INPP5A: variants seen among roughly 807,000 people sequenced by gnomAD.
INPP5A encodes the protein 43 kDa inositol polyphosphate 5-phophatase.
In INPP5A, 14 loss-of-function variants were observed where a neutral mutation model predicts 65.2. That is an observed-to-expected ratio of 0.21 (90% confidence interval 0.14 to 0.34). The LOEUF is 0.34. Among genes scored for constraint, INPP5A ranks in the 10% least tolerant of loss-of-function variants. INPP5A has a pLI of 1.00. For synonymous variants in INPP5A, 207 were observed against 208.3 expected, an observed-to-expected ratio of 0.99 and a Z score of 0.05; for missense variants, 431 against 545.6, an observed-to-expected ratio of 0.79 and a Z score of 2.09.
rs1326344308 is a variant in INPP5A, at chr10:132,727,127, C to T, written c.732+222C>T. The T allele has an allele frequency of 3.8e-5, 16 of 415,672 alleles. No individual in the cohort carries two copies. Among genetic ancestry groups the T allele is most frequent in the South Asian group, 8.3e-5 (2 of 24,126 alleles). The allele number at this position is 415,672 out of a possible 1,614,324, so 25.7% of individuals were successfully genotyped here. A position where few individuals can be genotyped will look rare whatever the true frequency, so the allele number is the denominator to read the frequency against. On this transcript the variant is annotated intron_variant, in intron 9 of 15. Coordinates refer to ENST00000368594, the MANE Select transcript of INPP5A (RefSeq NM_005539.5). The surrounding 1 kb of genome is among the most constrained non-coding windows in gnomAD (Gnocchi z 6.5). ...GGGCCCTCAAGGTTGCCCCGGATGG[C>T]GGGTGACAGTGCTGTGGGGCTTTGC...
At chr10:132,593,209 T>A (rs2071640812) in intron 1 of INPP5A, among the ~76,000 whole-genome samples, 1 of 152,206 alleles carries the variant, frequency 6.6e-6, no homozygotes. Flanking sequence ...CCTGACACTT[T>A]CACCTTTGCC....
chr10:132,728,824 G>A (rs1035925849), intron 9 of INPP5A, among the ~76,000 whole-genome samples: 3 of 152,174 alleles, frequency 2.0e-5, no homozygotes, highest in Admixed American at 6.5e-5. Context: ...TGGAGCAGCC[G>A]CGGGAGCCTC....
At position 132,753,463 on chromosome 10, in the gene INPP5A, T is replaced by C. The variant is rs1846533964; in HGVS notation, c.903+3618T>C. 6.6e-6 allele frequency among the ~76,000 whole-genome samples: 1 copy of C among 152,238 alleles called. No individual in the cohort carries two copies. Among genetic ancestry groups the C allele is most frequent in the Admixed American group, 6.5e-5 (1 of 15,288 alleles). Reference sequence around the variant, plus strand: ...GCTCCTGAAAATAATTATTGTATTTTAAGAGTAGTAATCATTGGCCGGGAC... The same window carrying C: ...GCTCCTGAAAATAATTATTGTATTTCAAGAGTAGTAATCATTGGCCGGGAC... On this transcript the variant is annotated intron_variant, in intron 11 of 15. Coordinates refer to ENST00000368594, the MANE Select transcript of INPP5A (RefSeq NM_005539.5). This position sits in a 1 kb window ranked among gnomAD's most constrained non-coding sequence, Gnocchi z 5.3.
At chr10:132,749,992 C>CT in intron 11 of INPP5A, 147 bp downstream of exon 11, 1 of 779,378 alleles carries the variant, frequency 1.3e-6, no homozygotes, top group Non-Finnish European at 2.2e-6. Context: ...AGTCAGACTG[C>CT]TGGGGACACA....
At chr10:132,719,935 T>C (rs1027242961) in intron 8 of INPP5A, among the ~76,000 whole-genome samples, 1 of 149,602 alleles carries the variant, frequency 6.7e-6, no homozygotes, top group African/African-American at 2.5e-5. Context: ...CTTAGACGGC[T>C]GTCTTCAGGG....
intron 8 of INPP5A, among the ~76,000 whole-genome samples, chr10:132,722,626 C>T (rs909842258): frequency 2.0e-5 from 3 of 152,164 alleles, no homozygotes; most frequent in Non-Finnish European, 2.9e-5. Flanking sequence ...TCTGCGGTGT[C>T]GTGAGGTCGC....
At position 132,698,284 on chromosome 10, in the gene INPP5A, G is replaced by A. The variant is rs1590933694; in HGVS notation, c.474+365G>A. 6.6e-6 allele frequency among the ~76,000 whole-genome samples: 1 copy of A among 152,366 alleles called. No homozygotes were observed. Among genetic ancestry groups the A allele is most frequent in the East Asian group, 1.9e-4 (1 of 5,188 alleles). The stretch of plus-strand genomic sequence containing the variant: ...GCTGACTGGTGGTAACCAAGACAGT[G>A]GCTGACAGTCCTGTGTGCCCGTGGT... On this transcript the variant is annotated intron_variant, in intron 6 of 15. Coordinates refer to ENST00000368594, the MANE Select transcript of INPP5A (RefSeq NM_005539.5). The surrounding 1 kb of genome is among the most constrained non-coding windows in gnomAD (Gnocchi z 5.5).
intron 7 of INPP5A, 97 bp from the exon 8 acceptor site, chr10:132,710,240 G>C: frequency 1.4e-6 from 2 of 1,453,164 alleles, no homozygotes; most frequent in Admixed American, 2.0e-5. Context: ...GCGGAGGCCA[G>C]TGCAGGTCTT....
intron 2 of INPP5A, among the ~76,000 whole-genome samples, chr10:132,645,002 G>A (rs751682941): frequency 1.3e-5 from 2 of 152,122 alleles, no homozygotes; most frequent in Non-Finnish European, 2.9e-5. Context: ...TACTGCATCC[G>A]CTCTCTGAAT....
Position 132,587,147 on chromosome 10 carries a change from CATTT to C in INPP5A, c.76-20766_76-20763del, listed in dbSNP as rs1379360647. 6.6e-6 allele frequency among the ~76,000 whole-genome samples: 1 copy of C among 152,182 alleles called. No homozygotes were observed. The highest frequency in any genetic ancestry group is 2.4e-5 in the African/African-American group (1 of 41,442). On this transcript the variant is annotated intron_variant, in intron 1 of 15. Coordinates refer to ENST00000368594, the MANE Select transcript of INPP5A (RefSeq NM_005539.5). The surrounding 1 kb of genome is among the most constrained non-coding windows in gnomAD (Gnocchi z 4.3). ...TCAGTTTTAAAAAATAATACAAACA[CATTT>C]AAAAAACAAGAGAGCCAGTGTGAAA...
intron 3 of INPP5A, among the ~76,000 whole-genome samples, chr10:132,649,449 C>T (rs1475542786): frequency 2.0e-5 from 3 of 152,026 alleles, no homozygotes; most frequent in Non-Finnish European, 4.4e-5. Context: ...GCAGACATTG[C>T]GAATGTTACG....
chr10:132,664,332 C>A (rs1005829313), intron 4 of INPP5A, among the ~76,000 whole-genome samples: 1 of 152,186 alleles, frequency 6.6e-6, no homozygotes, highest in Non-Finnish European at 1.5e-5. Flanking sequence ...CTCCAAAGCC[C>A]GTCCAGGTTT....
chr10:132,718,034 C>A (rs1845775632), intron 8 of INPP5A, among the ~76,000 whole-genome samples: 1 of 146,828 alleles, frequency 6.8e-6, no homozygotes, highest in Non-Finnish European at 1.5e-5. Flanking sequence ...TGTCTGGGCG[C>A]CTTAGACGGC....
chr10:132,574,493 T>A (rs1462067313), intron 1 of INPP5A, among the ~76,000 whole-genome samples: 1 of 151,882 alleles, frequency 6.6e-6, no homozygotes, highest in Non-Finnish European at 1.5e-5. Flanking sequence ...TTTGTTGAGA[T>A]GTTGGGGTGT....
rs551566655 is a variant in INPP5A, at chr10:132,631,251, G to A, written c.118-14617G>A. Among the ~76,000 whole-genome samples, 4 of 152,248 alleles carry A rather than the reference G, an allele frequency of 2.6e-5. No homozygotes were observed. In the South Asian group the frequency reaches 6.2e-4, roughly 24 times the overall value. On this transcript the variant is annotated intron_variant, in intron 2 of 15. Transcript: ENST00000368594. Reference sequence around the variant, plus strand: ...TCCGTGTGCCCTGGCCGGTCCCATCGGCTGCGCCTTGAGGAGGCTGTCTGA... The same window carrying A: ...TCCGTGTGCCCTGGCCGGTCCCATCAGCTGCGCCTTGAGGAGGCTGTCTGA...
At chr10:132,564,297 C>T (rs538234913) in intron 1 of INPP5A, among the ~76,000 whole-genome samples, 3 of 152,128 alleles carry the variant, frequency 2.0e-5, no homozygotes, top group East Asian at 1.9e-4. Context: ...GGACCTCTTA[C>T]GGATCTTATG....
intron 2 of INPP5A, among the ~76,000 whole-genome samples, chr10:132,615,351 C>T (rs1310704566): frequency 6.6e-6 from 1 of 152,226 alleles, no homozygotes; most frequent in African/African-American, 2.4e-5. Context: ...AAAAAATGTG[C>T]ACCCTGGAAG....
In INPP5A at chr10:132,580,662, T is replaced by C. The variant is rs550360499; in HGVS notation, c.76-27253T>C. Among the ~76,000 whole-genome samples the C allele has an allele frequency of 2.0e-5, 3 of 152,372 alleles. No individual in the cohort carries two copies. The South Asian group carries it at 6.2e-4, about 32-fold the overall frequency. ...CTTAAAGACACATGTGAGATTGTTT[T>C]ATAAAAATTTTGACTTACAAGGCTG... On this transcript the variant is annotated intron_variant, in intron 1 of 15. Coordinates refer to ENST00000368594, the MANE Select transcript of INPP5A (RefSeq NM_005539.5).
At chr10:132,711,468 TGCA>T (rs1845635891) in intron 8 of INPP5A, among the ~76,000 whole-genome samples, 1 of 146,684 alleles carries the variant, frequency 6.8e-6, no homozygotes, top group Non-Finnish European at 1.5e-5. Flanking sequence ...AGCTTGGGCT[TGCA>T]GCAGTGATGA....
Sources: gnomAD v4.1 joint callset for allele counts (sites outside exome capture counted in the v4.1 genomes callset) on GRCh38, gnomAD v4.1.1 for gene constraint, Gnocchi (gnomAD v3.1) non-coding constraint, MANE v1.5 for transcripts, NCBI Gene and HGNC (gene_info 2026-07-23, HGNC 2026-07-21) for gene names.